WDR13: variants seen among roughly 807,000 people sequenced by gnomAD.
WDR13 encodes WD repeat-containing protein 13.
Under a neutral mutation model 28.6 loss-of-function variants are expected in WDR13, and 1 was observed. The ratio of observed to expected loss-of-function variants is 0.03; its 90% CI spans 0.01 to 0.17. WDR13 has a LOEUF of 0.17. Among genes scored for constraint, WDR13 ranks in the 10% least tolerant of loss-of-function variants. The pLI, the probability that WDR13 is intolerant of heterozygous loss-of-function variation, is 1.00. For missense variants in WDR13, 264 were observed against 469.3 expected (o/e 0.56, Z 4.04); for synonymous variants, 201 against 185.9 (o/e 1.08, Z -0.66).
In WDR13 at chrX:48,605,016, G is replaced by A; in HGVS notation, c.1442G>A (p.Arg481Lys). The change falls in exon 10 of 10, where the codon AGG (arginine) becomes AAG (lysine). Residue 481 changes from arginine to lysine, a missense_variant. By Grantham distance (26) the Arg-to-Lys change is conservative. Around this residue, in one of 4 missense-constraint regions of WDR13, gnomAD observed 18 missense variants for 61.6 expected, o/e 0.29. Coordinates refer to ENST00000376729, the MANE Select transcript of WDR13 (RefSeq NM_001347217.2). Reference protein sequence around the residue: ...SDASGMVIVWRREQK With the variant: ...SDASGMVIVWKREQK ...GCCAGCGGCATGGTCATCGTCTGGAGGCGGGAGCAGAAGTAGGGTCCTGTC... is the reference window on the plus strand; with the variant it reads ...GCCAGCGGCATGGTCATCGTCTGGAAGCGGGAGCAGAAGTAGGGTCCTGTC... 1 of 1,207,291 alleles carries A rather than the reference G, an allele frequency of 8.3e-7. No individual in the cohort carries two copies. Among genetic ancestry groups the A allele is most frequent in the Non-Finnish European group, 1.1e-6 (1 of 892,007 alleles).
intron 8 of WDR13, among the ~76,000 whole-genome samples, chrX:48,603,384 A>G (rs367562652): frequency 1.1e-4 from 12 of 110,134 alleles, no homozygotes; most frequent in African/African-American, 2.6e-4. Flanking sequence ...ACAGTGGCGC[A>G]CTCCTGTAAT....
rs149882611 is a variant in WDR13, at chrX:48,598,837, C to T, written c.162C>T (p.Tyr54=). 17 of 1,205,062 alleles carry T rather than the reference C, an allele frequency of 1.4e-5. No individual in the cohort carries two copies. In the African/African-American group the frequency reaches 2.3e-4, roughly 16 times the overall value. The change falls in exon 3 of 10, where the codon TAC becomes TAT. Residue 54 remains tyrosine, a synonymous_variant. Coordinates refer to ENST00000376729, the MANE Select transcript of WDR13 (RefSeq NM_001347217.2). ...AGHPPALRRQ[Y]LRLRGQLLGQ... ...ACCCCCCAGCGCTGCGTCGGCAGTA[C>T]CTGAGGCTTCGGGGGCAGCTGCTGG... is the stretch of plus-strand genomic sequence containing the variant.
At chrX:48,601,335 C>T (rs189176090) in intron 6 of WDR13, among the ~76,000 whole-genome samples, 1 of 112,562 alleles carries the variant, frequency 8.9e-6, no homozygotes, top group Non-Finnish European at 1.9e-5. Flanking sequence ...AGGGGAAGGA[C>T]ATTAGAAAGT....
Position 48,601,936 on chromosome X carries a change from C to T in WDR13, c.984C>T (p.Val328=), listed in dbSNP as rs111244957. 3.4e-6 allele frequency: 4 copies of T among 1,193,192 alleles called. No individual in the cohort carries two copies. Among genetic ancestry groups the T allele is most frequent in the African/African-American group, 1.7e-5 (1 of 57,646 alleles). Residue 328 remains valine (V), a synonymous_variant, in exon 7 of 10, where the codon GTC becomes GTT. Transcript: ENST00000376729. Reference sequence around the variant, plus strand: ...GGGCGGGTGATGACCGTGGCAGTGTCTTCTCTTTCCTCTTTGATATGGCCA... The same window carrying T: ...GGGCGGGTGATGACCGTGGCAGTGTTTTCTCTTTCCTCTTTGATATGGCCA... ...LLWAGDDRGS[V]FSFLFDMATG...
chrX:48,601,085 C>T (rs2062182486), intron 6 of WDR13, among the ~76,000 whole-genome samples: 1 of 112,084 alleles, frequency 8.9e-6, no homozygotes, highest in Admixed American at 9.4e-5. Context: ...TCCGCCCCCA[C>T]CCCCCATAAA....
Position 48,606,544 on chromosome X carries a change from G to C in WDR13, c.*1512G>C, listed in dbSNP as rs1569489460. On this transcript the variant is annotated 3_prime_UTR_variant, in exon 10 of 10. Coordinates refer to ENST00000376729, the MANE Select transcript of WDR13 (RefSeq NM_001347217.2). ...ATCCAGGGTACAAATTCCAGCCCTG[G>C]AACAGCTCAGAGACCAAAAAGTGAT... 9.0e-6 allele frequency: 1 copy of C among 111,146 alleles called. No homozygotes were observed. Among genetic ancestry groups the C allele is most frequent in the Non-Finnish European group, 1.9e-5 (1 of 52,992 alleles). 9.2% of individuals were successfully genotyped at this position (111,146 alleles called of 1,213,427 possible).
chrX:48,601,677 G>C (rs1293726911), intron 6 of WDR13, 107 bp from the exon 7 acceptor site: 4 of 794,648 alleles, frequency 5.0e-6, no homozygotes, highest in Non-Finnish European at 6.9e-6. Context: ...ATTGTGAATA[G>C]ACTCTAATAG....
At chrX:48,599,311 C>A in intron 3 of WDR13, 42 bp from the exon 4 acceptor site, 1 of 1,065,742 alleles carries the variant, frequency 9.4e-7, no homozygotes, top group South Asian at 2.2e-5. Context: ...GGTTCTCGGG[C>A]TTTTTGCAAG....
intron 1 of WDR13, 165 bp from the exon 2 acceptor site, chrX:48,597,793 A>T: frequency 1.6e-6 from 1 of 608,708 alleles, no homozygotes; most frequent in Non-Finnish European, 2.4e-6. Flanking sequence ...GGCGCTGCCC[A>T]GGAAGGGCAG....
chrX:48,604,439 A>AC lies in WDR13; in HGVS notation c.1273+51dup, dbSNP rs782151077. ...TCTGGGTGGCTGGGGAGGGGCAGGA[A>AC]CCAGGGCTGGTGCCAACCTGGCTCA... is the stretch of plus-strand genomic sequence containing the variant. On this transcript the variant is annotated intron_variant, in intron 9 of 9. Coordinates refer to ENST00000376729, the MANE Select transcript of WDR13 (RefSeq NM_001347217.2). The AC allele has an allele frequency of 5.4e-6, 6 of 1,116,206 alleles. No homozygotes were observed. In the South Asian group the frequency reaches 1.1e-4, roughly 21 times the overall value. The allele number at this position is 1,116,206 out of a possible 1,213,427, so 92.0% of individuals were successfully genotyped here.
In WDR13 at chrX:48,601,934, G is replaced by A. The variant is rs150193416; in HGVS notation, c.982G>A (p.Val328Ile). The change falls in exon 7 of 10, where the codon GTC becomes ATC. Residue 328 changes from valine (V) to isoleucine (I), a missense_variant. Val to Ile is a conservative substitution (Grantham distance 29). Around this residue, in one of 4 missense-constraint regions of WDR13, gnomAD observed 157 missense variants for 270.2 expected, o/e 0.58. Coordinates refer to ENST00000376729, the MANE Select transcript of WDR13 (RefSeq NM_001347217.2). ...CTGGGCGGGTGATGACCGTGGCAGT[G>A]TCTTCTCTTTCCTCTTTGATATGGC... ...LLWAGDDRGSVFSFLFDMATG... is the reference protein window; with the variant it reads ...LLWAGDDRGSIFSFLFDMATG... 900 of 1,194,775 alleles carry A rather than the reference G, an allele frequency of 7.5e-4. No homozygotes were observed. Among genetic ancestry groups the A allele is most frequent in the Middle Eastern group, 1.6e-3 (7 of 4,273 alleles).
rs191434074 is a variant in WDR13, at chrX:48,607,785, A to G, written c.*2753A>G. ...AACCACCTTTTTTTTTTTTTTTTTA[A>G]TTGAGACGGAGTCTCGCTTTGTCGC... On this transcript the variant is annotated 3_prime_UTR_variant, in exon 10 of 10. Coordinates refer to ENST00000376729, the MANE Select transcript of WDR13 (RefSeq NM_001347217.2). 5,820 of 98,783 alleles carry G rather than the reference A, an allele frequency of 0.059. 194 individuals are homozygous for G. The highest frequency in any genetic ancestry group is 0.092 in the Non-Finnish European group (4,487 of 48,863). The allele number at this position is 98,783 out of a possible 1,213,427, so 8.1% of individuals were successfully genotyped here. A position where few individuals can be genotyped will look rare whatever the true frequency, so the allele number is the denominator to read the frequency against.
intron 8 of WDR13, among the ~76,000 whole-genome samples, chrX:48,603,521 G>A (rs1238745081): frequency 1.8e-5 from 2 of 111,651 alleles, no homozygotes; most frequent in African/African-American, 3.2e-5. Flanking sequence ...GGTGGCAGGC[G>A]CCTATAATCC....
chrX:48,600,807 G>A (rs989265629), intron 6 of WDR13, 181 bp downstream of exon 6: 14 of 529,042 alleles, frequency 2.6e-5, no homozygotes, highest in Non-Finnish European at 4.1e-5. Flanking sequence ...ATCAGAAGAC[G>A]GGAGTGGGCC....
chrX:48,598,656 C>CCCCCA, intron 2 of WDR13, 61 bp from the exon 3 acceptor site: 1 of 968,680 alleles, frequency 1.0e-6, no homozygotes, highest in Non-Finnish European at 1.3e-6. Flanking sequence ...ACCCCCCCCC[C>CCCCCA]CGAGCTGATT....
Position 48,602,186 on chromosome X carries a change from C to G in WDR13, c.1134C>G (p.Leu378=). Residue 378 remains leucine (L), a synonymous_variant, in exon 8 of 10, where the codon CTC becomes CTG. Transcript: ENST00000376729. The part of the protein sequence containing the change: ...RDPSLLINAC[L]NKLLLYRVVD... ...CCTCACTGCTCATCAATGCTTGCCT[C>G]AACAAGTTGCTGCTCTACAGGTGGG... 2 of 1,210,038 alleles carry G rather than the reference C, an allele frequency of 1.7e-6. No homozygotes were observed. The highest frequency in any genetic ancestry group is 2.2e-6 in the Non-Finnish European group (2 of 893,827).
At position 48,599,372 on chromosome X, in the gene WDR13, G is replaced by A. The variant is rs2062166661; in HGVS notation, c.302G>A (p.Arg101Gln). 1.7e-6 allele frequency: 2 copies of A among 1,197,975 alleles called. No homozygotes were observed. Among genetic ancestry groups the A allele is most frequent in the East Asian group, 3.0e-5 (1 of 33,653 alleles). ...DRMEDFEDDP[R>Q]ALGARGHRRS... is the part of the protein sequence containing the mutation. Reference sequence around the variant, plus strand: ...TTGCAGGACTTTGAGGATGATCCTCGGGCCCTGGGGGCCCGTGGGCACCGT... The same window carrying A: ...TTGCAGGACTTTGAGGATGATCCTCAGGCCCTGGGGGCCCGTGGGCACCGT... Residue 101 changes from arginine to glutamine, a missense_variant, in exon 4 of 10, where the codon CGG becomes CAG. Arg to Gln is a conservative substitution (Grantham distance 43). Coordinates refer to ENST00000376729, the MANE Select transcript of WDR13 (RefSeq NM_001347217.2).
chrX:48,600,606 G>C lies in WDR13; in HGVS notation c.811G>C (p.Val271Leu). ...ACTGCTCTGCTGCACCTTCCAGCCT[G>C]TCAACAACAACCTCACTGTGGTCAG... ...AELLCCTFQP[V>L]NNNLTVVGNA... The change falls in exon 6 of 10, where the codon GTC becomes CTC. Residue 271 changes from valine (V) to leucine (L), a missense_variant. This residue lies in a region of WDR13 where 157 missense variants were observed against 270.2 expected (regional missense o/e 0.58). Coordinates refer to ENST00000376729, the MANE Select transcript of WDR13 (RefSeq NM_001347217.2). The C allele has an allele frequency of 8.3e-7, 1 of 1,209,897 alleles. No homozygotes were observed. Among genetic ancestry groups the C allele is most frequent in the Non-Finnish European group, 1.1e-6 (1 of 894,610 alleles).
rs1375268942 is a variant in WDR13 at position 48,601,931 on chromosome X, A to G, written c.979A>G (p.Ser327Gly). 8.4e-7 allele frequency: 1 copy of G among 1,196,581 alleles called. No individual in the cohort carries two copies. The highest frequency in any genetic ancestry group is 1.1e-6 in the Non-Finnish European group (1 of 886,272). Reference sequence around the variant, plus strand: ...GCTCTGGGCGGGTGATGACCGTGGCAGTGTCTTCTCTTTCCTCTTTGATAT... The same window carrying G: ...GCTCTGGGCGGGTGATGACCGTGGCGGTGTCTTCTCTTTCCTCTTTGATAT... The part of the protein sequence containing the change: ...RLLWAGDDRG[S>G]VFSFLFDMAT... The change falls in exon 7 of 10, where the codon AGT becomes GGT. Residue 327 changes from serine (S) to glycine (G), a missense_variant. This residue lies in a region of WDR13 where 157 missense variants were observed against 270.2 expected (regional missense o/e 0.58). Transcript: ENST00000376729.
Sources: gnomAD v4.1 joint callset for allele counts (sites outside exome capture counted in the v4.1 genomes callset) on GRCh38, gnomAD v4.1.1 for gene constraint, gnomAD v4.1.1 regional missense constraint, MANE v1.5 for transcripts, NCBI Gene and HGNC (gene_info 2026-07-23, HGNC 2026-07-21) for gene names.